Variants in NAV2 observed in about 807,000 individuals in gnomAD.
NAV2 encodes the protein helicase, APC down-regulated 1.
NAV2 carries 54 observed loss-of-function variants against 223.2 expected under a neutral mutation model. That is an observed-to-expected ratio of 0.24 (90% CI 0.19 to 0.30). The LOEUF (loss-of-function observed/expected upper bound fraction) is 0.30. NAV2 is among the 10% of genes least tolerant of loss of function. The pLI, the probability that NAV2 is intolerant of heterozygous loss-of-function variation, is 1.00. For missense variants in NAV2, 2,806 were observed against 3,147.5 expected (o/e 0.89, Z 2.60); for synonymous variants, 1,279 against 1,239.3 (o/e 1.03, Z -0.67).
chr11:19,628,284 G>T (rs1353426072), intron 1 of NAV2, among the ~76,000 whole-genome samples: 3 of 152,198 alleles, frequency 2.0e-5, no homozygotes, highest in African/African-American at 7.2e-5. Flanking sequence ...GTTCCTGGGT[G>T]AGGAGCAAGG....
chr11:19,994,182 T>C (rs1421529862), intron 11 of NAV2, among the ~76,000 whole-genome samples: 1 of 152,242 alleles, frequency 6.6e-6, no homozygotes, highest in East Asian at 1.9e-4. Context: ...AAGTGTCCAA[T>C]AGTCCTGCTT....
At chr11:20,052,945 G>A (rs191517172) in intron 17 of NAV2, among the ~76,000 whole-genome samples, 10 of 152,166 alleles carry the variant, frequency 6.6e-5, no homozygotes, top group Admixed American at 3.3e-4. Context: ...GGCCAGGTGC[G>A]GTGGCTCATG....
intron 1 of NAV2, among the ~76,000 whole-genome samples, chr11:19,724,540 A>G (rs1050800719): frequency 2.0e-5 from 3 of 152,162 alleles, no homozygotes; most frequent in African/African-American, 7.2e-5. Context: ...ATTGCTTCAT[A>G]TTAGGAAGCT....
At chr11:19,529,248 G>A (rs1242506330) in intron 1 of NAV2, among the ~76,000 whole-genome samples, 1 of 152,234 alleles carries the variant, frequency 6.6e-6, no homozygotes, top group Non-Finnish European at 1.5e-5. Context: ...TGAAGTTACT[G>A]AGTTAGTCAT....
At chr11:19,691,750 T>C (rs1458752297) in intron 1 of NAV2, among the ~76,000 whole-genome samples, 1 of 152,024 alleles carries the variant, frequency 6.6e-6, no homozygotes, top group African/African-American at 2.4e-5. Flanking sequence ...CAGTCCCCAC[T>C]CTCACCCAGC....
chr11:19,378,346 C>G (rs1848712404), intron 1 of NAV2, among the ~76,000 whole-genome samples: 1 of 152,068 alleles, frequency 6.6e-6, no homozygotes, highest in Non-Finnish European at 1.5e-5. Flanking sequence ...TTTATTACCC[C>G]CCTGCCCTGA....
At chr11:19,767,271 A>C (rs1043014343) in intron 1 of NAV2, among the ~76,000 whole-genome samples, 2 of 152,232 alleles carry the variant, frequency 1.3e-5, no homozygotes, top group African/African-American at 2.4e-5. Context: ...AGACAGCTGC[A>C]TAACAGGAGG....
intron 3 of NAV2, among the ~76,000 whole-genome samples, chr11:19,856,464 C>A (rs2061409390): frequency 6.6e-6 from 1 of 152,124 alleles, no homozygotes; most frequent in African/African-American, 2.4e-5. Context: ...TTTGTGTATT[C>A]CTTGCAAAAT....
chr11:19,803,952 T>C (rs550447073), intron 1 of NAV2, among the ~76,000 whole-genome samples: 1 of 152,156 alleles, frequency 6.6e-6, no homozygotes, highest in Non-Finnish European at 1.5e-5. Flanking sequence ...GGGTAGAGCT[T>C]GAAAGGGGTG....
intron 1 of NAV2, among the ~76,000 whole-genome samples, chr11:19,487,201 A>G (rs1290853492): frequency 6.6e-6 from 1 of 152,212 alleles, no homozygotes; most frequent in Admixed American, 6.5e-5. Context: ...GAACTGACTT[A>G]ACAATTTTAG....
intron 1 of NAV2, among the ~76,000 whole-genome samples, chr11:19,594,977 T>G (rs1234219790): frequency 6.6e-6 from 1 of 152,082 alleles, no homozygotes; most frequent in Non-Finnish European, 1.5e-5. Context: ...TTCATCAAAA[T>G]TAAGATTAGA....
At chr11:20,022,741 C>T in intron 11 of NAV2, 1 of 1,084,594 alleles carries the variant, frequency 9.2e-7, no homozygotes, top group Non-Finnish European at 1.1e-6. Context: ...ATTTGACCCG[C>T]TGTTGCAAAC....
chr11:19,387,055 A>T (rs1849070814), intron 1 of NAV2, among the ~76,000 whole-genome samples: 1 of 152,084 alleles, frequency 6.6e-6, no homozygotes, highest in African/African-American at 2.4e-5. Context: ...TCCATTTCAA[A>T]ATTTTCTTTG....
intron 3 of NAV2, among the ~76,000 whole-genome samples, chr11:19,864,042 CA>C (rs1178234427): frequency 2.0e-5 from 3 of 152,264 alleles, no homozygotes; most frequent in Admixed American, 2.0e-4. Flanking sequence ...CCAAAGTCAC[CA>C]GAACTTGCAG....
chr11:19,570,492 A>G (rs561452753), intron 1 of NAV2, among the ~76,000 whole-genome samples: 1 of 152,340 alleles, frequency 6.6e-6, no homozygotes, highest in East Asian at 1.9e-4. Context: ...TCTACACCAA[A>G]TGACAGCTTC....
chr11:19,363,513 A>C (rs537166882), intron 1 of NAV2, among the ~76,000 whole-genome samples: 43 of 152,352 alleles, frequency 2.8e-4, no homozygotes, highest in Non-Finnish European at 4.3e-4. Context: ...TTCAAACCCA[A>C]GTATGTCTGA....
upstream of NAV2, among the ~76,000 whole-genome samples, chr11:19,709,411 G>A (rs977773296): frequency 6.6e-5 from 10 of 151,518 alleles, no homozygotes; most frequent in Non-Finnish European, 1.3e-4. Context: ...GCATGGTGGC[G>A]GGTGCCTGTA....
chr11:19,977,902 T>G (rs1468349302), intron 10 of NAV2, among the ~76,000 whole-genome samples: 2 of 151,388 alleles, frequency 1.3e-5, no homozygotes, highest in African/African-American at 2.4e-5. Context: ...CCTCCCGGGT[T>G]CAAGCAATTC....
chr11:19,981,109 T>C (rs1217746875), intron 10 of NAV2: 2 of 152,192 alleles, frequency 1.3e-5, no homozygotes, highest in Non-Finnish European at 2.9e-5. Context: ...TCAGACTAGT[T>C]GCATTCACCT....
Sources: gnomAD v4.1 joint callset for allele counts (sites outside exome capture counted in the v4.1 genomes callset) on GRCh38, gnomAD v4.1.1 for gene constraint, MANE v1.5 for transcripts, NCBI Gene and HGNC (gene_info 2026-07-23, HGNC 2026-07-21) for gene names.